The following COBL variants were observed in gnomAD, a reference collection of about 807,000 sequenced individuals.
COBL encodes the protein protein cordon-bleu.
In COBL, 51 loss-of-function variants were observed where a neutral mutation model predicts 98.8. The ratio of observed to expected loss-of-function variants is 0.52; its 90% CI spans 0.41 to 0.65. The LOEUF is 0.65. COBL is among the 30% of genes least tolerant of loss of function. COBL has a pLI of 0.00. For missense variants in COBL, 1,617 were observed against 1,617.5 expected (o/e 1.00, Z 0.01); for synonymous variants, 634 against 651.7 (o/e 0.97, Z 0.41).
chr7:51,100,919 A>AC (rs1279279272), intron 6 of COBL, among the ~76,000 whole-genome samples: 14 of 152,130 alleles, frequency 9.2e-5, no homozygotes, highest in African/African-American at 3.4e-4. Flanking sequence ...GAAACAAAAA[A>AC]AAAACAACAA....
intron 5 of COBL, among the ~76,000 whole-genome samples, chr7:51,153,619 A>G (rs1785792271): frequency 6.6e-6 from 1 of 152,216 alleles, no homozygotes; most frequent in Non-Finnish European, 1.5e-5. Context: ...TAGATGGGCA[A>G]TATGACTGCT....
At chr7:51,076,360 G>T (rs185086631) in intron 7 of COBL, among the ~76,000 whole-genome samples, 1 of 152,120 alleles carries the variant, frequency 6.6e-6, no homozygotes, top group African/African-American at 2.4e-5. Flanking sequence ...CCAGTTCCAC[G>T]CCCTCTGCTC....
chr7:51,281,757 G>T (rs1488280206), intron 1 of COBL, among the ~76,000 whole-genome samples: 1 of 152,058 alleles, frequency 6.6e-6, no homozygotes, highest in Non-Finnish European at 1.5e-5. Flanking sequence ...TTCACTGCCA[G>T]CAGGCCTGTT....
intron 1 of COBL, among the ~76,000 whole-genome samples, chr7:51,255,447 G>A (rs1174716699): frequency 3.9e-5 from 6 of 152,154 alleles, no homozygotes; most frequent in Admixed American, 3.9e-4. Context: ...ATCCTCCAGG[G>A]CCTCCTTCAC....
chr7:51,271,772 G>A (rs1798780618), intron 1 of COBL, among the ~76,000 whole-genome samples: 1 of 152,218 alleles, frequency 6.6e-6, no homozygotes, highest in South Asian at 2.1e-4. Context: ...GCTCACACCT[G>A]TAATCCCAAC....
intron 1 of COBL, among the ~76,000 whole-genome samples, chr7:51,283,514 C>T (rs771427375): frequency 6.6e-6 from 1 of 152,068 alleles, no homozygotes; most frequent in African/African-American, 2.4e-5. Context: ...GATGGAGTTT[C>T]GCTCTTGTTG....
At chr7:51,134,966 T>A (rs1166989639) in intron 6 of COBL, among the ~76,000 whole-genome samples, 2 of 151,854 alleles carry the variant, frequency 1.3e-5, no homozygotes. Context: ...CTTTTTTTTT[T>A]ATTTTTTATT....
At chr7:51,122,296 G>A (rs1292051821) in intron 6 of COBL, among the ~76,000 whole-genome samples, 1 of 152,166 alleles carries the variant, frequency 6.6e-6, no homozygotes, top group African/African-American at 2.4e-5. Context: ...TTCCACCAAG[G>A]AGGATCCTTG....
chr7:51,044,677 A>G (rs1158655478), intron 7 of COBL, among the ~76,000 whole-genome samples: 2 of 152,226 alleles, frequency 1.3e-5, no homozygotes, highest in Non-Finnish European at 2.9e-5. Flanking sequence ...ATTTTGTTTT[A>G]AAGTCATTCT....
At chr7:51,179,036 T>A (rs1392665478) in intron 5 of COBL, among the ~76,000 whole-genome samples, 1 of 152,348 alleles carries the variant, frequency 6.6e-6, no homozygotes, top group Admixed American at 6.5e-5. Context: ...GCCTTTGACA[T>A]TTGACAAACT....
At chr7:51,260,239 A>AC (rs1797598574) in intron 1 of COBL, 4 of 553,016 alleles carry the variant, frequency 7.2e-6, no homozygotes, top group Non-Finnish European at 1.3e-5. Context: ...CTCTATCAAG[A>AC]CCATATACTA....
rs1023590271 is a variant in COBL, at chr7:51,095,087, G to A, written c.958-9783C>T. On this transcript the variant is annotated intron_variant, in intron 6 of 12. Transcript: ENST00000265136. Reference sequence around the variant, plus strand: ...AATTAATAAAGGCATACCAAAGAATGGGCAATTTATAAAGGAAGGAGGTTT... The same window carrying A: ...AATTAATAAAGGCATACCAAAGAATAGGCAATTTATAAAGGAAGGAGGTTT... 2.0e-5 allele frequency among the ~76,000 whole-genome samples: 3 copies of A among 152,154 alleles called. 1 individual carries two copies. Among genetic ancestry groups the A allele is most frequent in the African/African-American group, 7.2e-5 (3 of 41,428 alleles).
chr7:51,294,182 T>G (rs1563136524), intron 1 of COBL, among the ~76,000 whole-genome samples: 1 of 151,294 alleles, frequency 6.6e-6, no homozygotes, highest in Non-Finnish European at 1.5e-5. Context: ...TCCCAGCTAC[T>G]CAGGAGGCTG....
intron 12 of COBL, among the ~76,000 whole-genome samples, chr7:51,018,917 T>TATATAC (rs1786622057): frequency 6.0e-5 from 1 of 16,564 alleles, no homozygotes; most frequent in African/African-American, 2.1e-4. Context: ...TATATATATA[T>TATATAC]ATATATATAT....
intron 1 of COBL, among the ~76,000 whole-genome samples, chr7:51,220,949 A>C (rs779841121): frequency 4.6e-5 from 7 of 152,182 alleles, no homozygotes; most frequent in Non-Finnish European, 1.0e-4. Context: ...GTATGTACAT[A>C]TTTTGATTTA....
chr7:51,080,854 T>A (rs1793583702), intron 7 of COBL, among the ~76,000 whole-genome samples: 1 of 152,074 alleles, frequency 6.6e-6, no homozygotes, highest in South Asian at 2.1e-4. Context: ...TGTGCCTCAC[T>A]GGGGATGGGT....
chr7:51,037,693 C>A (rs1430214024), intron 8 of COBL, among the ~76,000 whole-genome samples: 1 of 152,140 alleles, frequency 6.6e-6, no homozygotes, highest in East Asian at 1.9e-4. Flanking sequence ...ACTGGCTGTA[C>A]TATGTTGAGA....
At chr7:51,299,674 G>T (rs1287683296) in intron 1 of COBL, among the ~76,000 whole-genome samples, 1 of 152,188 alleles carries the variant, frequency 6.6e-6, no homozygotes, top group Non-Finnish European at 1.5e-5. Context: ...AGGCTTCATG[G>T]CTATAGGGGT....
At chr7:51,254,191 A>C (rs1252987734) in intron 1 of COBL, among the ~76,000 whole-genome samples, 1 of 152,178 alleles carries the variant, frequency 6.6e-6, no homozygotes, top group African/African-American at 2.4e-5. Context: ...TGATTACTGC[A>C]AATCACTCCA....
Sources: allele counts gnomAD v4.1 joint callset (sites outside exome capture counted in the v4.1 genomes callset), GRCh38; gene constraint gnomAD v4.1.1; transcripts MANE v1.5; gene names NCBI Gene and HGNC (gene_info 2026-07-23, HGNC 2026-07-21).